AQP11: variants seen among roughly 807,000 people sequenced by gnomAD.
AQP11 encodes the protein aquaporin-11.
In AQP11, 20 loss-of-function variants were observed where a neutral mutation model predicts 21.1. The observed-to-expected ratio is 0.95, with a 90% CI of 0.67 to 1.38. The LOEUF (loss-of-function observed/expected upper bound fraction) is 1.38. Among genes scored for constraint, AQP11 ranks in the 40% most tolerant of loss-of-function variants. The pLI is 0.00. For synonymous variants in AQP11, 167 were observed against 150.1 expected (o/e 1.11, Z -0.82); for missense variants, 339 against 340.4 (o/e 1.00, Z 0.03).
At chr11:77,608,005 C>T (rs992011116) in intron 2 of AQP11, among the ~76,000 whole-genome samples, 1 of 151,144 alleles carries the variant, frequency 6.6e-6, no homozygotes, top group Non-Finnish European at 1.5e-5. Flanking sequence ...ACAGACTAAT[C>T]TCTCACAAAT....
rs1161418638 is a variant in AQP11 at position 77,590,551 on chromosome 11, G to C, written c.559G>C (p.Val187Leu). The change falls in exon 1 of 3, where the codon GTC (valine) becomes CTC (leucine). Residue 187 changes from valine to leucine, a missense_variant. Coordinates refer to ENST00000313578, the MANE Select transcript of AQP11 (RefSeq NM_173039.3). ...FHSALLHFQE[V>L]RTKLRIHLLA... is the part of the protein sequence containing the mutation. Reference sequence around the variant, plus strand: ...CAGCGCTCTGCTGCACTTCCAGGAAGTCCGAACCAAGCTTCGTATCCACCT... The same window carrying C: ...CAGCGCTCTGCTGCACTTCCAGGAACTCCGAACCAAGCTTCGTATCCACCT... The C allele has an allele frequency of 6.2e-7, 1 of 1,614,090 alleles. No individual in the cohort carries two copies. Among genetic ancestry groups the C allele is most frequent in the Non-Finnish European group, 8.5e-7 (1 of 1,180,046 alleles).
rs1014665348 is a variant in AQP11, at chr11:77,590,133, C to T, written c.141C>T (p.Phe47=). The T allele has an allele frequency of 3.1e-6, 5 of 1,608,282 alleles. No homozygotes were observed. The African/African-American group carries it at 6.7e-5, about 21-fold the overall frequency. Residue 47 remains phenylalanine (F), a synonymous_variant, in exon 1 of 3, where the codon TTC becomes TTT. Transcript: ENST00000313578. ...TGCACAGGCCGGTGGCCCACGCCTT[C>T]GTCCTGGAGTTTCTAGCCACCTTCC... ...QQLHRPVAHA[F]VLEFLATFQL... is the part of the protein sequence containing the mutation.
rs1443498588 is a variant in AQP11 at position 77,597,047 on chromosome 11, A to G, written c.619+6436A>G. On this transcript the variant is annotated intron_variant, in intron 1 of 2. Coordinates refer to ENST00000313578, the MANE Select transcript of AQP11 (RefSeq NM_173039.3). ...TTATTTATTATTATTATTTCCCTCT[A>G]TATTTCTAACAGGCTTCCAGTATAA... is the stretch of plus-strand genomic sequence containing the variant. Among the ~76,000 whole-genome samples the G allele has an allele frequency of 2.6e-5, 4 of 152,184 alleles. No homozygotes were observed. The East Asian group carries it at 7.7e-4, about 29-fold the overall frequency.
At position 77,591,641 on chromosome 11, in the gene AQP11, G is replaced by A. The variant is rs60505258; in HGVS notation, c.619+1030G>A. On this transcript the variant is annotated intron_variant, in intron 1 of 2. Coordinates refer to ENST00000313578, the MANE Select transcript of AQP11 (RefSeq NM_173039.3). ...TCCCAGCACTTTGGGAGACCGAGGT[G>A]GGTGGATCACCTGAGGTCAGGAGTT... is the stretch of plus-strand genomic sequence containing the variant. 8.1e-3 allele frequency among the ~76,000 whole-genome samples: 1,219 copies of A among 150,656 alleles called. 18 individuals carry two copies. The highest frequency in any genetic ancestry group is 0.029 in the African/African-American group (1,188 of 41,002).
chr11:77,592,301 G>A (rs1958753852), intron 1 of AQP11, among the ~76,000 whole-genome samples: 1 of 151,950 alleles, frequency 6.6e-6, no homozygotes. Context: ...GAAAAAGAGT[G>A]ACAAGTACAG....
chr11:77,597,996 C>T (rs1255234611), intron 1 of AQP11, among the ~76,000 whole-genome samples: 2 of 152,104 alleles, frequency 1.3e-5, no homozygotes, highest in Non-Finnish European at 2.9e-5. Flanking sequence ...ACCTTGGCCT[C>T]CCAAAGTGCT....
At chr11:77,603,849 G>A (rs1958829558) in intron 2 of AQP11, among the ~76,000 whole-genome samples, 177 bp downstream of exon 2, 1 of 152,064 alleles carries the variant, frequency 6.6e-6, no homozygotes, top group African/African-American at 2.4e-5. Context: ...AACTGTTAAA[G>A]GTAGTCAGTT....
rs1274972266 is a variant in AQP11, at chr11:77,603,551, T to C, written c.620-5T>C. On this transcript the variant is annotated splice_polypyrimidine_tract_variant and splice_region_variant and intron_variant, in intron 1 of 2. Transcript: ENST00000313578. The stretch of plus-strand genomic sequence containing the variant: ...TGAAATCACTCTGCTTAAAATCTGT[T>C]ACAGGAGGAAGTCTAACAGGAGCTG... The C allele has an allele frequency of 1.9e-5, 30 of 1,567,124 alleles. No individual in the cohort carries two copies. Among genetic ancestry groups the C allele is most frequent in the Non-Finnish European group, 2.4e-5 (28 of 1,156,928 alleles).
chr11:77,597,934 T>C (rs773640404), intron 1 of AQP11, among the ~76,000 whole-genome samples: 9 of 151,908 alleles, frequency 5.9e-5, no homozygotes, highest in Non-Finnish European at 1.2e-4. Context: ...AGAGATGGGG[T>C]TTCACCATCT....
At chr11:77,607,908 T>TA (rs1958855972) in intron 2 of AQP11, among the ~76,000 whole-genome samples, 1 of 151,972 alleles carries the variant, frequency 6.6e-6, no homozygotes, top group African/African-American at 2.4e-5. Flanking sequence ...TCTGACTTTA[T>TA]AAAAAATGAC....
At chr11:77,590,867 A>G (rs1041913235) in intron 1 of AQP11, 5 of 985,346 alleles carry the variant, frequency 5.1e-6, no homozygotes, top group Non-Finnish European at 6.0e-6. Context: ...GATATTGCCA[A>G]GGGTTCAGAT....
intron 1 of AQP11, among the ~76,000 whole-genome samples, chr11:77,598,656 G>A (rs537873865): frequency 2.6e-5 from 4 of 152,152 alleles, no homozygotes; most frequent in Non-Finnish European, 5.9e-5. Flanking sequence ...TTCCTTCCAC[G>A]GTAATCCTTG....
At position 77,590,096 on chromosome 11, in the gene AQP11, C is replaced by T; in HGVS notation, c.104C>T (p.Ala35Val). 6.2e-7 allele frequency: 1 copy of T among 1,607,516 alleles called. No homozygotes were observed. The highest frequency in any genetic ancestry group is 2.2e-5 in the East Asian group (1 of 44,846). ...VLLMGLARVV[A>V]RQQLHRPVAH... ...CTCATGGGGCTGGCCCGCGTAGTCG[C>T]CCGGCAGCAGCTGCACAGGCCGGTG... The change falls in exon 1 of 3, where the codon GCC becomes GTC. Residue 35 changes from alanine to valine, a missense_variant. Transcript: ENST00000313578.
At chr11:77,596,553 T>C (rs1208502302) in intron 1 of AQP11, among the ~76,000 whole-genome samples, 1 of 127,820 alleles carries the variant, frequency 7.8e-6, no homozygotes, top group African/African-American at 3.2e-5. Context: ...TATATATATA[T>C]ATATATATAT....
At chr11:77,598,171 C>G (rs11825946) in intron 1 of AQP11, among the ~76,000 whole-genome samples, 1 of 152,212 alleles carries the variant, frequency 6.6e-6, no homozygotes, top group African/African-American at 2.4e-5. Flanking sequence ...ATTCCAGTTA[C>G]TAGAAAGCTA....
intron 1 of AQP11, among the ~76,000 whole-genome samples, chr11:77,602,721 T>G (rs1360353164): frequency 6.6e-6 from 1 of 152,182 alleles, no homozygotes; most frequent in African/African-American, 2.4e-5. Context: ...GCTACAATGG[T>G]GCATGTCAAT....
intron 2 of AQP11, among the ~76,000 whole-genome samples, 189 bp from the exon 3 acceptor site, chr11:77,609,109 T>C (rs556731717): frequency 6.6e-6 from 1 of 152,288 alleles, no homozygotes; most frequent in East Asian, 1.9e-4. Context: ...AAATCTGATA[T>C]TAGATTTAAA....
At position 77,589,969 on chromosome 11, in the gene AQP11, A is replaced by C. The variant is rs1958733901; in HGVS notation, c.-24A>C. 6.9e-7 allele frequency: 1 copy of C among 1,453,838 alleles called. No homozygotes were observed. Among genetic ancestry groups the C allele is most frequent in the African/African-American group, 1.4e-5 (1 of 69,218 alleles). The allele number at this position is 1,453,838 out of a possible 1,614,324, so 90.1% of individuals were successfully genotyped here. On this transcript the variant is annotated 5_prime_UTR_variant, in exon 1 of 3. Coordinates refer to ENST00000313578, the MANE Select transcript of AQP11 (RefSeq NM_173039.3). ...CTCCTACCCAGAGCCGGAGCCCGCA[A>C]CCCGCTCAGGCGGCGACGGAGCCAT...
rs752164439 is a variant in AQP11, at chr11:77,590,601, G to A, written c.609G>A (p.Leu203=). Residue 203 remains leucine (L), a synonymous_variant, in exon 1 of 3, where the codon TTG becomes TTA. Transcript: ENST00000313578. ...IHLLAALITF[L]VYAGGSLTGA... The stretch of plus-strand genomic sequence containing the variant: ...TGCTGGCTGCACTCATCACCTTTTT[G>A]GTCTATGCAGGTTTGTCATTCTCAC... 6.2e-7 allele frequency: 1 copy of A among 1,613,166 alleles called. No individual in the cohort carries two copies. Among genetic ancestry groups the A allele is most frequent in the Non-Finnish European group, 8.5e-7 (1 of 1,179,602 alleles).
Sources: allele counts gnomAD v4.1 joint callset (sites outside exome capture counted in the v4.1 genomes callset), GRCh38; gene constraint gnomAD v4.1.1; transcripts MANE v1.5; gene names NCBI Gene and HGNC (gene_info 2026-07-23, HGNC 2026-07-21).